The following TNIP3 variants were observed in gnomAD, a reference collection of about 807,000 sequenced individuals.
TNIP3 encodes the protein TNFAIP3 interacting protein 3, also known as TNFAIP3-interacting protein 3.
A neutral mutation model predicts 54.1 loss-of-function variants in TNIP3; 34 were observed. The observed-to-expected ratio is 0.63, with a 90% confidence interval of 0.48 to 0.84. The LOEUF (loss-of-function observed/expected upper bound fraction) is 0.84, where lower values mean the gene tolerates loss of function less well. TNIP3 is among the 40% of genes least tolerant of loss of function. The probability of loss-of-function intolerance (pLI) is 0.00; values close to 1 mark genes in which losing one functional copy is unlikely to be tolerated. For missense variants in TNIP3, 366 were observed against 387.6 expected (o/e 0.94, Z 0.47); for synonymous variants, 134 against 136.8 (o/e 0.98, Z 0.14).
chr4:121,142,914 C>G (rs1486239568), intron 7 of TNIP3, 138 bp from the exon 8 acceptor site: 1 of 636,534 alleles, frequency 1.6e-6, no homozygotes. Flanking sequence ...TTTTTGCAGA[C>G]ATGCATTGAT....
intron 5 of TNIP3, among the ~76,000 whole-genome samples, chr4:121,152,368 C>G (rs1729812255): frequency 6.6e-6 from 1 of 152,172 alleles, no homozygotes; most frequent in Non-Finnish European, 1.5e-5. Context: ...AATCTACTGT[C>G]ATAACTCATC....
At chr4:121,189,275 T>C (rs186694577) in intron 2 of TNIP3, among the ~76,000 whole-genome samples, 2 of 152,312 alleles carry the variant, frequency 1.3e-5, no homozygotes, top group Admixed American at 1.3e-4. Flanking sequence ...TCTGCTTTGA[T>C]CTTATGTCAT....
intron 4 of TNIP3, 91 bp from the exon 5 acceptor site, chr4:121,154,770 C>T: frequency 8.1e-7 from 1 of 1,234,316 alleles, no homozygotes. Context: ...CCATGGCAGG[C>T]AGATTGAGGG....
At chr4:121,158,835 T>G in intron 2 of TNIP3, 83 bp from the exon 3 acceptor site, 2 of 1,133,162 alleles carry the variant, frequency 1.8e-6, no homozygotes, top group Non-Finnish European at 2.6e-6. Context: ...CTTTCTGAGC[T>G]TATTAAGGTT....
intron 1 of TNIP3, 134 bp from the exon 2 acceptor site, chr4:121,161,350 A>G: frequency 1.5e-6 from 1 of 687,530 alleles, no homozygotes; most frequent in South Asian, 1.9e-5. Context: ...TCTAGCAGTA[A>G]TAATCCTCAT....
rs375527240 is a variant in TNIP3 at position 121,137,687 on chromosome 4, C to CCATAA, written c.946+932_946+936dup. ...GTGTCCCTGACTCCCTATTTACACT[C>CCATAA]CATAACAGACTCCTTGTATTAAAAA... On this transcript the variant is annotated intron_variant, in intron 10 of 10. Coordinates refer to ENST00000057513, the MANE Select transcript of TNIP3 (RefSeq NM_024873.6). 4.2e-3 allele frequency: 1,369 copies of CCATAA among 325,806 alleles called. 18 individuals are homozygous for CCATAA. The highest frequency in any genetic ancestry group is 0.027 in the African/African-American group (1,245 of 46,220). 20.2% of individuals were successfully genotyped at this position (325,806 alleles called of 1,614,324 possible).
chr4:121,219,672 G>T (rs145369854), upstream of TNIP3, among the ~76,000 whole-genome samples: 1 of 152,072 alleles, frequency 6.6e-6, no homozygotes, highest in East Asian at 1.9e-4. Context: ...ACTCACATAG[G>T]TTTTACAGAC....
At chr4:121,191,330 T>A (rs945319179) in intron 2 of TNIP3, among the ~76,000 whole-genome samples, 2 of 152,202 alleles carry the variant, frequency 1.3e-5, no homozygotes, top group African/African-American at 2.4e-5. Flanking sequence ...TTTGCACCAT[T>A]GTTCTACAGT....
At chr4:121,216,632 C>T, upstream of TNIP3, 1 of 1,452,634 alleles carries the variant, frequency 6.9e-7, no homozygotes. Context: ...ATTCTCATGT[C>T]TTGTTTTCAG....
chr4:121,186,699 T>C (rs1006292989), intron 2 of TNIP3, among the ~76,000 whole-genome samples: 6 of 152,192 alleles, frequency 3.9e-5, no homozygotes, highest in African/African-American at 7.2e-5. Context: ...ATTGTTATTA[T>C]TCTGAGGGTG....
At chr4:121,151,418 A>G (rs1202605409) in intron 5 of TNIP3, among the ~76,000 whole-genome samples, 1 of 152,230 alleles carries the variant, frequency 6.6e-6, no homozygotes, top group Non-Finnish European at 1.5e-5. Context: ...ATGTCTTAGA[A>G]TACACAAATA....
chr4:121,223,638 C>T (rs1311233305), intron 1 of TNIP3, among the ~76,000 whole-genome samples: 3 of 152,170 alleles, frequency 2.0e-5, no homozygotes, highest in Admixed American at 1.3e-4. Context: ...CATTATCACA[C>T]GTGCATTTCA....
intron 5 of TNIP3, among the ~76,000 whole-genome samples, chr4:121,151,839 T>A (rs1315474037): frequency 2.0e-5 from 3 of 152,232 alleles, no homozygotes; most frequent in Non-Finnish European, 4.4e-5. Context: ...CTTTCCCAAC[T>A]TCCTTGAACA....
chr4:121,161,178 A>C lies in TNIP3; in HGVS notation c.105T>G (p.Ser35=). Residue 35 remains serine, a synonymous_variant, in exon 2 of 11, where the codon TCT becomes TCG. Coordinates refer to ENST00000057513, the MANE Select transcript of TNIP3 (RefSeq NM_024873.6). ...CCAAACACCTTATCTTTTGTTCAAGAGAATTCATCAAGTTCTTTCTTGTTG... is the reference window on the plus strand; with the variant it reads ...CCAAACACCTTATCTTTTGTTCAAGCGAATTCATCAAGTTCTTTCTTGTTG... ...EPSTRKNLMN[S]LEQKIRCLEK... The C allele has an allele frequency of 6.3e-7, 1 of 1,588,184 alleles. No individual in the cohort carries two copies. The highest frequency in any genetic ancestry group is 1.1e-5 in the South Asian group (1 of 88,324).
intron 2 of TNIP3, among the ~76,000 whole-genome samples, chr4:121,197,072 AAT>A (rs1474762049): frequency 2.6e-5 from 4 of 152,128 alleles, no homozygotes; most frequent in African/African-American, 9.7e-5. Flanking sequence ...ATACATCAAA[AAT>A]GGGAAAAAAT....
At chr4:121,191,598 A>G (rs1043055980) in intron 2 of TNIP3, among the ~76,000 whole-genome samples, 1 of 152,200 alleles carries the variant, frequency 6.6e-6, no homozygotes, top group Non-Finnish European at 1.5e-5. Context: ...ACTTATCAAA[A>G]TGTTTCTCTC....
intron 2 of TNIP3, among the ~76,000 whole-genome samples, chr4:121,208,432 T>G (rs1726302876): frequency 6.6e-6 from 1 of 152,154 alleles, no homozygotes; most frequent in African/African-American, 2.4e-5. Flanking sequence ...AGGAACTGAC[T>G]CAGCACAAGA....
intron 2 of TNIP3, chr4:121,216,322 A>G: frequency 9.1e-7 from 1 of 1,095,660 alleles, no homozygotes; most frequent in Non-Finnish European, 1.3e-6. Flanking sequence ...CTTCTCTTCT[A>G]CTCTTAATAC....
chr4:121,194,148 G>A (rs576926478), intron 2 of TNIP3, among the ~76,000 whole-genome samples: 1 of 152,124 alleles, frequency 6.6e-6, no homozygotes, highest in South Asian at 2.1e-4. Flanking sequence ...TTATCTTGTG[G>A]TATATCCTTG....
Sources: allele counts gnomAD v4.1 joint callset (sites outside exome capture counted in the v4.1 genomes callset), GRCh38; gene constraint gnomAD v4.1.1; transcripts MANE v1.5; gene names NCBI Gene and HGNC (gene_info 2026-07-23, HGNC 2026-07-21).